The following ARHGEF7 variants were observed in gnomAD, a reference collection of about 807,000 sequenced individuals.
ARHGEF7 encodes the protein PAK-interacting exchange factor beta.
Under a neutral mutation model 109.8 loss-of-function variants are expected in ARHGEF7, and 33 were observed. That is an observed-to-expected ratio of 0.30 (90% CI 0.23 to 0.40). The LOEUF (loss-of-function observed/expected upper bound fraction) is 0.40. ARHGEF7 is among the 10% of genes least tolerant of loss of function. The pLI, the probability that ARHGEF7 is intolerant of heterozygous loss-of-function variation, is 1.00. For missense variants in ARHGEF7, 938 were observed against 1,098.5 expected (o/e 0.85, Z 2.07); for synonymous variants, 458 against 424.6 (o/e 1.08, Z -0.97).
At chr13:111,183,067 C>T (rs1189629130) in intron 2 of ARHGEF7, among the ~76,000 whole-genome samples, 3 of 152,126 alleles carry the variant, frequency 2.0e-5, no homozygotes, top group Non-Finnish European at 2.9e-5. Flanking sequence ...TTTCAGTTTA[C>T]AGTGGGTTTA....
rs1204557851 is a variant in ARHGEF7, at chr13:111,258,087, C to A, written c.951-9461C>A. ...GCCTGCAACCTAGTGAGACCTCAGC[C>A]GGGGCAGCCAAGGGAGGCCTTGCAC... On this transcript the variant is annotated intron_variant, in intron 8 of 21. Transcript: ENST00000646102. The surrounding 1 kb of genome is among the most constrained non-coding windows in gnomAD (Gnocchi z 4.4). Among the ~76,000 whole-genome samples, 1 of 152,206 alleles carries A rather than the reference C, an allele frequency of 6.6e-6. No homozygotes were observed. The highest frequency in any genetic ancestry group is 1.9e-4 in the East Asian group (1 of 5,200).
In ARHGEF7 at chr13:111,217,784, G is replaced by A. The variant is rs2083312936; in HGVS notation, c.574G>A (p.Val192Ile). Residue 192 changes from valine (V) to isoleucine (I), a missense_variant, in exon 5 of 22, where the codon GTC becomes ATC. Physicochemically the swap from Val to Ile is conservative, Grantham distance 29. This residue lies in a region of ARHGEF7 where 585 missense variants were observed against 723.6 expected (regional missense o/e 0.81). Transcript: ENST00000646102. ...LSFSKGDVIHVTRVEEGGWWE... is the reference protein window; with the variant it reads ...LSFSKGDVIHITRVEEGGWWE... ...CTTCTCAAAAGGAGACGTCATCCAT[G>A]TCACCCGTGTGGAAGAGGGAGGCTG... 2 of 1,614,114 alleles carry A rather than the reference G, an allele frequency of 1.2e-6. No individual in the cohort carries two copies. The highest frequency in any genetic ancestry group is 1.1e-5 in the South Asian group (1 of 91,088).
intron 5 of ARHGEF7, among the ~76,000 whole-genome samples, chr13:111,220,327 T>G (rs1394268153): frequency 1.3e-5 from 2 of 152,348 alleles, no homozygotes; most frequent in East Asian, 3.9e-4. Flanking sequence ...GGACAGACGC[T>G]TGTTCCAGCT....
At chr13:111,205,227 T>G in intron 2 of ARHGEF7, 62 bp from the exon 3 acceptor site, 1 of 1,332,790 alleles carries the variant, frequency 7.5e-7, no homozygotes, top group Non-Finnish European at 1.0e-6. Flanking sequence ...TGGGAGAACT[T>G]AGTTCATCCT....
chr13:111,133,727 C>T (rs909403650), intron 1 of ARHGEF7, among the ~76,000 whole-genome samples: 16 of 135,732 alleles, frequency 1.2e-4, no homozygotes, highest in African/African-American at 3.0e-4. Context: ...TTCCTGATTT[C>T]GTAGGACTGG....
intron 1 of ARHGEF7, among the ~76,000 whole-genome samples, chr13:111,148,028 G>T (rs1395435833): frequency 6.6e-6 from 1 of 152,190 alleles, no homozygotes; most frequent in East Asian, 1.9e-4. Context: ...TAAGCCTCTA[G>T]CCCTGCCCTA....
At chr13:111,159,614 A>T (rs1370671588) in intron 2 of ARHGEF7, among the ~76,000 whole-genome samples, 1 of 152,138 alleles carries the variant, frequency 6.6e-6, no homozygotes, top group Non-Finnish European at 1.5e-5. Context: ...TTGAATGTGC[A>T]TTTCTCTGAT....
intron 5 of ARHGEF7, among the ~76,000 whole-genome samples, chr13:111,221,695 T>G (rs1208761355): frequency 1.7e-5 from 2 of 118,498 alleles, no homozygotes; most frequent in African/African-American, 5.9e-5. Flanking sequence ...ATAAACCCCT[T>G]GATATATCTA....
At chr13:111,288,311 G>A (rs1031521239) in intron 17 of ARHGEF7, 43 bp from the exon 18 acceptor site, 2 of 1,428,664 alleles carry the variant, frequency 1.4e-6, no homozygotes, top group Non-Finnish European at 2.0e-6. Flanking sequence ...TTGCCCTAGA[G>A]GCCTTTCAGT....
chr13:111,222,838 A>G (rs1048254662), intron 5 of ARHGEF7, among the ~76,000 whole-genome samples: 4 of 152,244 alleles, frequency 2.6e-5, no homozygotes, highest in African/African-American at 9.6e-5. Context: ...TACATTCAGT[A>G]CAGCAGACTT....
At chr13:111,197,950 T>C (rs1259733529) in intron 2 of ARHGEF7, among the ~76,000 whole-genome samples, 4 of 152,108 alleles carry the variant, frequency 2.6e-5, no homozygotes, top group Non-Finnish European at 5.9e-5. Context: ...ATAGGATAGA[T>C]GGGCGAGTCT....
intron 8 of ARHGEF7, among the ~76,000 whole-genome samples, chr13:111,252,910 T>C (rs1407626451): frequency 6.6e-6 from 1 of 152,244 alleles, no homozygotes; most frequent in East Asian, 1.9e-4. Flanking sequence ...CCTCTTTCAG[T>C]TGGCAGTGCT....
intron 1 of ARHGEF7, among the ~76,000 whole-genome samples, chr13:111,120,393 G>A (rs1356259579): frequency 6.6e-6 from 1 of 152,196 alleles, no homozygotes; most frequent in African/African-American, 2.4e-5. Context: ...ACTTGCACAT[G>A]CATGTGCACA....
At chr13:111,253,255 G>T (rs1224447418) in intron 8 of ARHGEF7, among the ~76,000 whole-genome samples, 1 of 152,202 alleles carries the variant, frequency 6.6e-6, no homozygotes, top group African/African-American at 2.4e-5. Flanking sequence ...GACTAGTCTG[G>T]GAATGTGGAA....
Position 111,280,642 on chromosome 13 carries a change from C to T in ARHGEF7, c.1690C>T (p.Pro564Ser). Residue 564 changes from proline (P) to serine (S), a missense_variant, in exon 15 of 22, where the codon CCC becomes TCC. Around this residue, in one of 4 missense-constraint regions of ARHGEF7, gnomAD observed 585 missense variants for 723.6 expected, o/e 0.81. Transcript: ENST00000646102. Reference protein sequence around the residue: ...KQTKVTSVGNPTIKPHSVPSH... With the variant: ...KQTKVTSVGNSTIKPHSVPSH... The stretch of plus-strand genomic sequence containing the variant: ...AACGAAGGTCACGTCTGTGGGAAAC[C>T]CCACCATAAAGCCTCATTCAGTGCC... 6.2e-7 allele frequency: 1 copy of T among 1,609,150 alleles called. No homozygotes were observed. Among genetic ancestry groups the T allele is most frequent in the Non-Finnish European group, 8.5e-7 (1 of 1,178,062 alleles).
At chr13:111,283,492 G>C (rs1464097732) in intron 16 of ARHGEF7, 129 bp downstream of exon 16, 3 of 1,398,352 alleles carry the variant, frequency 2.1e-6, no homozygotes, top group African/African-American at 2.9e-5. Context: ...GAGAAGGGGG[G>C]GTCTGCCTTG....
intron 2 of ARHGEF7, among the ~76,000 whole-genome samples, chr13:111,178,484 A>G (rs532674368): frequency 6.6e-6 from 1 of 152,318 alleles, no homozygotes; most frequent in African/African-American, 2.4e-5. Flanking sequence ...TTCAGATGGA[A>G]TGTTCACTCT....
rs762704533 is a variant in ARHGEF7, at chr13:111,205,349, G to A, written c.313G>A (p.Val105Met). 3.4e-5 allele frequency: 55 copies of A among 1,601,770 alleles called. No individual in the cohort carries two copies. The highest frequency in any genetic ancestry group is 4.6e-5 in the Non-Finnish European group (54 of 1,176,984). Residue 105 changes from valine to methionine, a missense_variant, in exon 3 of 22, where the codon GTG becomes ATG. Transcript: ENST00000646102. ...QNFNKVLSSLVTLNKVTADIG... is the reference protein window; with the variant it reads ...QNFNKVLSSLMTLNKVTADIG... ...TTTTAACAAGGTCCTCAGTTCCTTA[G>A]TGACTCTAAATAAAGTAACAGCAGG...
intron 8 of ARHGEF7, among the ~76,000 whole-genome samples, chr13:111,260,876 G>GTT (rs2091017317): frequency 6.6e-6 from 1 of 152,140 alleles, no homozygotes; most frequent in Admixed American, 6.5e-5. Flanking sequence ...TTTAATTAAT[G>GTT]TTCTGTTTCC....
Sources: gnomAD v4.1 joint callset for allele counts (sites outside exome capture counted in the v4.1 genomes callset) on GRCh38, gnomAD v4.1.1 for gene constraint, gnomAD v4.1.1 regional missense constraint, Gnocchi (gnomAD v3.1) non-coding constraint, MANE v1.5 for transcripts, NCBI Gene and HGNC (gene_info 2026-07-23, HGNC 2026-07-21) for gene names.